The following SLC39A12 variants were observed in gnomAD, a reference collection of about 807,000 sequenced individuals.
SLC39A12 encodes zinc transporter ZIP12.
Under a neutral mutation model 71.1 loss-of-function variants are expected in SLC39A12, and 63 were observed. The observed-to-expected ratio is 0.89, with a 90% CI of 0.72 to 1.09. SLC39A12 has a LOEUF of 1.09. Among genes scored for constraint, SLC39A12 ranks in the 50% least tolerant of loss-of-function variants. SLC39A12 has a pLI of 0.00. For missense variants in SLC39A12, 892 were observed against 812.6 expected (o/e 1.10, Z -1.19); for synonymous variants, 351 against 301.3 (o/e 1.16, Z -1.71).
intron 2 of SLC39A12, 51 bp downstream of exon 2, chr10:17,953,588 A>C: frequency 6.3e-7 from 1 of 1,586,410 alleles, no homozygotes; most frequent in South Asian, 1.2e-5. Flanking sequence ...AAAAGAAAGC[A>C]ATGGATTCTA....
chr10:17,997,614 C>T (rs1835724375), intron 10 of SLC39A12, among the ~76,000 whole-genome samples: 1 of 152,120 alleles, frequency 6.6e-6, no homozygotes, highest in South Asian at 2.1e-4. Flanking sequence ...AGGCCTCTTA[C>T]CTACCTGCTT....
intron 12 of SLC39A12, among the ~76,000 whole-genome samples, chr10:18,040,466 G>T (rs942563857): frequency 6.6e-6 from 1 of 151,984 alleles, no homozygotes; most frequent in African/African-American, 2.4e-5. Context: ...TCCTCTCCAT[G>T]TACTTAAAAA....
Position 17,981,354 on chromosome 10 carries a change from A to G in SLC39A12, c.967A>G (p.Lys323Glu). The G allele has an allele frequency of 1.2e-6, 2 of 1,613,448 alleles. No homozygotes were observed. The highest frequency in any genetic ancestry group is 1.7e-6 in the Non-Finnish European group (2 of 1,179,632). Residue 323 changes from lysine (K) to glutamate (E), a missense_variant, in exon 6 of 13, where the codon AAG becomes GAG. Coordinates refer to ENST00000377369, the MANE Select transcript of SLC39A12 (RefSeq NM_001145195.2). ...ARQLVEIFLQ[K>E]GLSLISKEDF... ...GCAGCTGGTGGAGATATTTCTACAG[A>G]AGGGCCTCTCACTCATTTCTAAGGA...
chr10:18,035,679 C>T (rs1421690020), intron 12 of SLC39A12, among the ~76,000 whole-genome samples: 6 of 152,302 alleles, frequency 3.9e-5, no homozygotes, highest in Admixed American at 6.5e-5. Flanking sequence ...AGCTTTGTTC[C>T]GTTGCTGGTG....
intron 12 of SLC39A12, among the ~76,000 whole-genome samples, chr10:18,013,569 A>G (rs934691664): frequency 6.6e-6 from 1 of 151,836 alleles, no homozygotes; most frequent in African/African-American, 2.4e-5. Context: ...ATGGCATGTC[A>G]CTATGTTGCC....
At chr10:18,041,823 G>GTACATATATATGTATACGTATATA (rs1564668525) in intron 12 of SLC39A12, among the ~76,000 whole-genome samples, 1 of 133,662 alleles carries the variant, frequency 7.5e-6, no homozygotes, top group African/African-American at 2.7e-5. Context: ...ATACGTATAT[G>GTACATATATATGTATACGTATATA]TATGTACATA....
chr10:18,042,400 T>G (rs904430902), intron 12 of SLC39A12, among the ~76,000 whole-genome samples: 3 of 141,382 alleles, frequency 2.1e-5, no homozygotes, highest in African/African-American at 8.1e-5. Context: ...GAGGTTGCTG[T>G]GAAATGTGAT....
intron 12 of SLC39A12, among the ~76,000 whole-genome samples, chr10:18,035,197 C>T (rs1424720149): frequency 6.7e-6 from 1 of 148,588 alleles, no homozygotes; most frequent in South Asian, 2.1e-4. Context: ...GTTGGCCTGC[C>T]TTGCTAGATT....
intron 12 of SLC39A12, among the ~76,000 whole-genome samples, chr10:18,034,743 C>T (rs1425430436): frequency 5.3e-5 from 8 of 151,396 alleles, no homozygotes; most frequent in Non-Finnish European, 1.0e-4. Context: ...TTCCTAGTCT[C>T]GATGGTCTTT....
chr10:17,977,704 C>T (rs1835145321), intron 4 of SLC39A12, among the ~76,000 whole-genome samples, 198 bp from the exon 5 acceptor site: 1 of 152,140 alleles, frequency 6.6e-6, no homozygotes, highest in Non-Finnish European at 1.5e-5. Flanking sequence ...CTTTAATTTA[C>T]ATTTTTATAG....
intron 10 of SLC39A12, among the ~76,000 whole-genome samples, chr10:17,997,803 C>A (rs1378349340): frequency 6.6e-6 from 1 of 152,128 alleles, no homozygotes; most frequent in Non-Finnish European, 1.5e-5. Context: ...AAATTCAATC[C>A]ACAGTCTGAT....
At chr10:18,009,014 A>G (rs1371889124) in intron 12 of SLC39A12, among the ~76,000 whole-genome samples, 1 of 152,184 alleles carries the variant, frequency 6.6e-6, no homozygotes, top group Admixed American at 6.5e-5. Flanking sequence ...TGGATAAGAG[A>G]GACTTTATTT....
At chr10:18,006,344 G>T (rs1836017940) in intron 12 of SLC39A12, among the ~76,000 whole-genome samples, 1 of 152,168 alleles carries the variant, frequency 6.6e-6, no homozygotes, top group African/African-American at 2.4e-5. Flanking sequence ...AGTAGAATTG[G>T]CTTATTCAAG....
intron 12 of SLC39A12, among the ~76,000 whole-genome samples, chr10:18,039,552 A>T (rs887419231): frequency 1.3e-5 from 2 of 152,058 alleles, no homozygotes; most frequent in African/African-American, 4.8e-5. Context: ...ACATAGCAAG[A>T]CCTCGTCTCT....
intron 12 of SLC39A12, among the ~76,000 whole-genome samples, chr10:18,019,713 T>C (rs1205613967): frequency 6.6e-6 from 1 of 152,132 alleles, no homozygotes; most frequent in Non-Finnish European, 1.5e-5. Context: ...TTTGGTATTT[T>C]CCAGCTATCT....
At chr10:18,013,750 G>T (rs1221235790) in intron 12 of SLC39A12, among the ~76,000 whole-genome samples, 2 of 152,042 alleles carry the variant, frequency 1.3e-5, no homozygotes, top group Non-Finnish European at 2.9e-5. Context: ...AATGGTTTTG[G>T]CACCCTTGTT....
intron 5 of SLC39A12, among the ~76,000 whole-genome samples, chr10:17,978,428 T>C (rs530565250): frequency 2.0e-4 from 30 of 152,344 alleles, no homozygotes; most frequent in African/African-American, 7.2e-4. Context: ...ATATTTTTGC[T>C]ATTATGTATC....
intron 12 of SLC39A12, among the ~76,000 whole-genome samples, chr10:18,008,018 C>T (rs1488515773): frequency 2.6e-5 from 4 of 152,188 alleles, no homozygotes; most frequent in Admixed American, 2.0e-4. Flanking sequence ...ATTACTCTTA[C>T]CATTATAGTA....
chr10:18,039,156 G>A (rs951793588), intron 12 of SLC39A12, among the ~76,000 whole-genome samples: 1 of 152,180 alleles, frequency 6.6e-6, no homozygotes, highest in African/African-American at 2.4e-5. Context: ...ACAGAGATGG[G>A]ATATGCTGTT....
Sources: gnomAD v4.1 joint callset for allele counts (sites outside exome capture counted in the v4.1 genomes callset) on GRCh38, gnomAD v4.1.1 for gene constraint, MANE v1.5 for transcripts, NCBI Gene and HGNC (gene_info 2026-07-23, HGNC 2026-07-21) for gene names.